The following NFASC variants were observed in gnomAD, a reference collection of about 807,000 sequenced individuals.
NFASC encodes neurofascin homolog.
In NFASC, 43 loss-of-function variants were observed where a neutral mutation model predicts 147.5. That is an observed-to-expected ratio of 0.29 (90% confidence interval 0.23 to 0.38). The LOEUF (loss-of-function observed/expected upper bound fraction) is 0.38. Among genes scored for constraint, NFASC ranks in the 10% least tolerant of loss-of-function variants. NFASC has a pLI of 1.00. For synonymous variants in NFASC, 622 were observed against 665.5 expected (o/e 0.93, Z 1.01); for missense variants, 1,320 against 1,689.0 (o/e 0.78, Z 3.83).
In NFASC at chr1:204,980,353, G is replaced by C; in HGVS notation, c.2177-17G>C. 6.2e-7 allele frequency: 1 copy of C among 1,611,264 alleles called. No individual in the cohort carries two copies. The highest frequency in any genetic ancestry group is 1.1e-5 in the South Asian group (1 of 90,750). On this transcript the variant is annotated splice_polypyrimidine_tract_variant and intron_variant, in intron 19 of 29. Transcript: ENST00000339876. The stretch of plus-strand genomic sequence containing the variant: ...AGGCACAAATTGGACTTGAGCCTGT[G>C]TCTGTTTGGGTTCCAGCCCCCGAGT...
At chr1:204,991,506 C>T (rs766679743) in intron 24 of NFASC, among the ~76,000 whole-genome samples, 200 bp downstream of exon 24, 1 of 152,236 alleles carries the variant, frequency 6.6e-6, no homozygotes, top group Admixed American at 6.5e-5. Context: ...CACTTTCCCC[C>T]CTTCCCAAAC....
intron 1 of NFASC, among the ~76,000 whole-genome samples, chr1:204,888,875 A>C (rs186976421): frequency 3.3e-5 from 5 of 152,322 alleles, no homozygotes; most frequent in Admixed American, 1.3e-4. Flanking sequence ...CTGGGGATCC[A>C]CCAACTCTAG....
Position 204,944,213 on chromosome 1 carries a change from T to C in NFASC, c.-90-13T>C, listed in dbSNP as rs955841525. 14 of 1,548,894 alleles carry C rather than the reference T, an allele frequency of 9.0e-6. No individual in the cohort carries two copies. The East Asian group carries it at 9.7e-5, about 11-fold the overall frequency. On this transcript the variant is annotated splice_polypyrimidine_tract_variant and intron_variant, in intron 2 of 29. Transcript: ENST00000339876. ...CATGAAAAACTCACTTGCTCTTATG[T>C]TTCTTTCCACAGCTGAGTGCTGTCC...
chr1:204,968,843 A>C lies in NFASC; in HGVS notation c.864A>C (p.Pro288=), dbSNP rs1260898133. The change falls in exon 10 of 30, where the codon CCA becomes CCC. Residue 288 remains proline, a synonymous_variant. Coordinates refer to ENST00000339876, the MANE Select transcript of NFASC (RefSeq NM_001005388.3). The surrounding 1 kb of genome is among the most constrained non-coding windows in gnomAD (Gnocchi z 5.4). ...GGTACAAGAAAGGTGGGGACCTCCC[A>C]TCTGATAAGGCCAAGTTTGAGAACT... The part of the protein sequence containing the change: ...IAWYKKGGDL[P]SDKAKFENFN... 4 of 1,613,844 alleles carry C rather than the reference A, an allele frequency of 2.5e-6. No individual in the cohort carries two copies. In the African/African-American group the frequency reaches 5.3e-5, roughly 22 times the overall value.
At position 204,977,686 on chromosome 1, in the gene NFASC, C is replaced by A. The variant is rs760239414; in HGVS notation, c.1837C>A (p.Gln613Lys). 1 of 1,610,200 alleles carries A rather than the reference C, an allele frequency of 6.2e-7. No homozygotes were observed. The highest frequency in any genetic ancestry group is 2.2e-5 in the East Asian group (1 of 44,818). Reference protein sequence around the residue: ...AKAYLTVLADQATPTNRLAAL... With the variant: ...AKAYLTVLADKATPTNRLAAL... ...AACCCGTCTTACCTTTGCAGCTGAT[C>A]AGGCCACTCCAACTAACCGTTTGGC... is the stretch of plus-strand genomic sequence containing the variant. Residue 613 changes from glutamine (Q) to lysine (K), a missense_variant, in exon 17 of 30, where the codon CAG becomes AAG. Gln to Lys is a moderately conservative substitution (Grantham distance 53). Transcript: ENST00000339876.
At chr1:204,969,664 G>A (rs1254108107) in intron 10 of NFASC, among the ~76,000 whole-genome samples, 1 of 152,212 alleles carries the variant, frequency 6.6e-6, no homozygotes, top group Non-Finnish European at 1.5e-5. Flanking sequence ...TAGACTTTGA[G>A]GGGTAGGGGG....
intron 4 of NFASC, among the ~76,000 whole-genome samples, chr1:204,951,310 G>A (rs1014878687): frequency 4.3e-5 from 6 of 140,046 alleles, no homozygotes; most frequent in Non-Finnish European, 9.2e-5. Context: ...CACCATGCCC[G>A]GCTAATTTTT....
In NFASC at chr1:204,950,594, C is replaced by T. The variant is rs371606374; in HGVS notation, c.109+20C>T. ...ATGAGCGTAAGTGCCCTGTGTGCCTCTCTGTGCCTCTGGGAGTTGGGAGGG... is the reference window on the plus strand; with the variant it reads ...ATGAGCGTAAGTGCCCTGTGTGCCTTTCTGTGCCTCTGGGAGTTGGGAGGG... On this transcript the variant is annotated intron_variant, in intron 4 of 29. Coordinates refer to ENST00000339876, the MANE Select transcript of NFASC (RefSeq NM_001005388.3). 6.2e-7 allele frequency: 1 copy of T among 1,610,648 alleles called. No individual in the cohort carries two copies. The highest frequency in any genetic ancestry group is 8.5e-7 in the Non-Finnish European group (1 of 1,178,060).
rs2096359873 is a variant in NFASC, at chr1:205,016,240, C to T, written c.3492-68C>T. ...CCCATCCTCTCTGAGCTGTGTAGGG[C>T]ATGTGCTGGCAGGAGGCCAGCTGCC... On this transcript the variant is annotated intron_variant, in intron 29 of 29. Coordinates refer to ENST00000339876, the MANE Select transcript of NFASC (RefSeq NM_001005388.3). This position sits in a 1 kb window ranked among gnomAD's most constrained non-coding sequence, Gnocchi z 5.1. The T allele has an allele frequency of 9.5e-7, 1 of 1,050,500 alleles. No homozygotes were observed. The highest frequency in any genetic ancestry group is 1.6e-5 in the African/African-American group (1 of 64,212). 65.1% of individuals were successfully genotyped at this position (1,050,500 alleles called of 1,614,324 possible).
chr1:204,957,775 T>C lies in NFASC; in HGVS notation c.655T>C (p.Phe219Leu). The C allele has an allele frequency of 6.2e-7, 1 of 1,614,104 alleles. No homozygotes were observed. The highest frequency in any genetic ancestry group is 8.5e-7 in the Non-Finnish European group (1 of 1,180,020). The change falls in exon 8 of 30, where the codon TTC (phenylalanine) becomes CTC (leucine). Residue 219 changes from phenylalanine to leucine, a missense_variant. Physicochemically the swap from Phe to Leu is conservative, Grantham distance 22 (BLOSUM62 0). Transcript: ENST00000339876. The stretch of plus-strand genomic sequence containing the variant: ...CTACAGTTGTAACGCCCGCTTCCAC[T>C]TCACCCACACCATCCAGCAGAAGAA... Reference protein sequence around the residue: ...TDYSCNARFHFTHTIQQKNPF... With the variant: ...TDYSCNARFHLTHTIQQKNPF...
intron 25 of NFASC, chr1:204,999,456 C>G (rs2095923711): frequency 6.6e-6 from 1 of 152,136 alleles, no homozygotes; most frequent in Non-Finnish European, 1.5e-5. Context: ...ATTTACAGGG[C>G]TCAGAGCTGA....
chr1:204,977,747 C>T, intron 17 of NFASC, 22 bp downstream of exon 17: 1 of 1,602,074 alleles, frequency 6.2e-7, no homozygotes. Context: ...TAATCACAGT[C>T]CCCTGCCAGT....
intron 1 of NFASC, among the ~76,000 whole-genome samples, chr1:204,919,096 T>C (rs2089929080): frequency 6.6e-6 from 1 of 151,248 alleles, no homozygotes; most frequent in Non-Finnish European, 1.5e-5. Context: ...ATGATCTTGG[T>C]TCACTGCAAC....
chr1:204,979,745 G>A lies in NFASC; in HGVS notation c.2176+186G>A, dbSNP rs772729691. ...AGCTGTTGTGAACATTTGAGAATGT[G>A]TGCCAGGTACTTACTATGATGCCTG... On this transcript the variant is annotated intron_variant, in intron 19 of 29. Transcript: ENST00000339876. This position sits in a 1 kb window ranked among gnomAD's most constrained non-coding sequence, Gnocchi z 6.0. 6.6e-6 allele frequency among the ~76,000 whole-genome samples: 1 copy of A among 152,220 alleles called. No individual in the cohort carries two copies. The highest frequency in any genetic ancestry group is 1.5e-5 in the Non-Finnish European group (1 of 68,038).
chr1:204,957,930 G>A, intron 8 of NFASC, 104 bp downstream of exon 8: 1 of 1,053,852 alleles, frequency 9.5e-7, no homozygotes, highest in African/African-American at 1.6e-5. Flanking sequence ...TTGTCCTTGA[G>A]GCTGACCTAG....
At position 204,968,879 on chromosome 1, in the gene NFASC, C is replaced by T; in HGVS notation, c.900C>T (p.Ala300=). ...CCAAGTTTGAGAACTTTAATAAGGC[C>T]CTGCGTATCACAAATGTCTCTGAGG... The part of the protein sequence containing the change: ...DKAKFENFNK[A]LRITNVSEED... The change falls in exon 10 of 30, where the codon GCC becomes GCT. Residue 300 remains alanine (A), a synonymous_variant. Transcript: ENST00000339876. This position sits in a 1 kb window ranked among gnomAD's most constrained non-coding sequence, Gnocchi z 5.4. 1 of 1,613,894 alleles carries T rather than the reference C, an allele frequency of 6.2e-7. No homozygotes were observed.
chr1:204,951,944 T>C, intron 4 of NFASC, 67 bp from the exon 5 acceptor site: 2 of 1,321,250 alleles, frequency 1.5e-6, no homozygotes, highest in Non-Finnish European at 2.2e-6. Context: ...TCATCTCAGC[T>C]GTTCCCCAAG....
intron 1 of NFASC, among the ~76,000 whole-genome samples, chr1:204,915,489 G>A (rs1470697773): frequency 1.3e-5 from 2 of 152,112 alleles, no homozygotes; most frequent in African/African-American, 4.8e-5. Flanking sequence ...GTTGGCCAGG[G>A]ACAGGGTATG....
intron 2 of NFASC, among the ~76,000 whole-genome samples, chr1:204,939,040 GTGT>G (rs1345745728): frequency 8.6e-5 from 10 of 115,702 alleles, no homozygotes; most frequent in Admixed American, 5.0e-4. Flanking sequence ...ATGGATGGAT[GTGT>G]GTGTGTGTGT....
Sources: gnomAD v4.1 joint callset for allele counts (sites outside exome capture counted in the v4.1 genomes callset) on GRCh38, gnomAD v4.1.1 for gene constraint, Gnocchi (gnomAD v3.1) non-coding constraint, MANE v1.5 for transcripts, NCBI Gene and HGNC (gene_info 2026-07-23, HGNC 2026-07-21) for gene names.